The following CTBP2 variants were observed in gnomAD, a reference collection of about 807,000 sequenced individuals.
CTBP2 encodes the protein C-terminal-binding protein 2.
A neutral mutation model predicts 80.3 loss-of-function variants in CTBP2; 30 were observed. That is an observed-to-expected ratio of 0.37 (90% CI 0.28 to 0.51). The LOEUF is 0.51. CTBP2 is among the 20% of genes least tolerant of loss of function. CTBP2 has a pLI of 0.93. For missense variants in CTBP2, 1,212 were observed against 1,375.3 expected (o/e 0.88, Z 1.88); for synonymous variants, 594 against 587.4 (o/e 1.01, Z -0.16).
chr10:125,083,839 G>A (rs71488648), intron 2 of CTBP2, among the ~76,000 whole-genome samples: 22,953 of 152,164 alleles, frequency 0.15, 1,851 homozygotes, highest in Middle Eastern at 0.24. Flanking sequence ...GGAGTGCAGT[G>A]GTGCGATCTG....
Position 125,027,980 on chromosome 10 carries a change from AC to A in CTBP2, c.-222del, listed in dbSNP as rs1564746275. On this transcript the variant is annotated 5_prime_UTR_variant, in exon 1 of 9. Coordinates refer to ENST00000309035, the MANE Select transcript of CTBP2 (RefSeq NM_022802.3). ...CACGGTAACTTTGCCTCACTCCCCAACGATAGCCAGAGAGGTCTGTTCCTTA... is the reference window on the plus strand; with the variant it reads ...CACGGTAACTTTGCCTCACTCCCCAAGATAGCCAGAGAGGTCTGTTCCTTA... 3 of 1,305,384 alleles carry A rather than the reference AC, an allele frequency of 2.3e-6. No homozygotes were observed. Among genetic ancestry groups the A allele is most frequent in the Non-Finnish European group, 3.0e-6 (3 of 1,006,538 alleles). 80.9% of individuals were successfully genotyped at this position (1,305,384 alleles called of 1,614,324 possible). A position where few individuals can be genotyped will look rare whatever the true frequency, so the allele number is the denominator to read the frequency against.
chr10:125,110,291 G>C (rs1260990147), intron 2 of CTBP2, among the ~76,000 whole-genome samples: 1 of 152,184 alleles, frequency 6.6e-6, no homozygotes, highest in Non-Finnish European at 1.5e-5. Context: ...CATCAGAGAA[G>C]TTGCCACTTT....
intron 3 of CTBP2, 51 bp from the exon 6 acceptor site, chr10:124,998,221 G>T: frequency 6.4e-7 from 1 of 1,552,292 alleles, no homozygotes; most frequent in South Asian, 1.2e-5. Flanking sequence ...AAGATCAGTG[G>T]GGAAGCCCCA....
intron 1 of CTBP2, among the ~76,000 whole-genome samples, chr10:125,139,227 C>T (rs545405397): frequency 1.3e-5 from 2 of 151,862 alleles, no homozygotes; most frequent in Non-Finnish European, 2.9e-5. Flanking sequence ...AAAATTTAGC[C>T]GGGTGTGGTG....
At chr10:125,102,686 G>GT (rs202029094) in intron 2 of CTBP2, among the ~76,000 whole-genome samples, 369 of 152,172 alleles carry the variant, frequency 2.4e-3, no homozygotes, top group East Asian at 3.3e-3. Context: ...CAAAGTGAAG[G>GT]TTTTTTTTAA....
At chr10:124,990,913 C>G (rs1952521029) in intron 8 of CTBP2, among the ~76,000 whole-genome samples, 1 of 152,232 alleles carries the variant, frequency 6.6e-6, no homozygotes, top group Non-Finnish European at 1.5e-5. Context: ...TTCCAGCCTC[C>G]AGAACTGCGA....
Position 125,097,477 on chromosome 10 carries a change from A to G in CTBP2, c.-102+13513T>C, listed in dbSNP as rs181091952. On this transcript the variant is annotated intron_variant, in intron 2 of 10. Transcript: ENST00000337195. The stretch of plus-strand genomic sequence containing the variant: ...CTCAGTTCTCTACCGTGGAGAAGTC[A>G]CAAGCCGCACTCCTCAAAGCCAACC... Among the ~76,000 whole-genome samples the G allele has an allele frequency of 1.1e-3, 163 of 152,288 alleles. 1 individual carries two copies. Among genetic ancestry groups the G allele is most frequent in the African/African-American group, 3.5e-3 (147 of 41,568 alleles).
intron 1 of CTBP2, among the ~76,000 whole-genome samples, chr10:125,126,944 C>CTCTA (rs1418961803): frequency 4.4e-4 from 67 of 152,142 alleles, no homozygotes; most frequent in African/African-American, 1.6e-3. Context: ...CTCTCTCTCT[C>CTCTA]TCTCTACTCT....
chr10:124,993,079 A>ATAAATTTGATGC (rs1952924493), intron 7 of CTBP2, 123 bp downstream of exon 9: 2 of 1,256,482 alleles, frequency 1.6e-6, no homozygotes, highest in Non-Finnish European at 2.2e-6. Flanking sequence ...CCCAACTCAT[A>ATAAATTTGATGC]TAAATTTGAT....
intron 1 of CTBP2, among the ~76,000 whole-genome samples, chr10:125,018,157 C>G (rs1269480027): frequency 1.3e-5 from 2 of 152,140 alleles, no homozygotes; most frequent in Non-Finnish European, 1.5e-5. Flanking sequence ...AGGGGGTGAA[C>G]CTCTCTGAGT....
At position 125,026,351 on chromosome 10, in the gene CTBP2, T is replaced by C; in HGVS notation, c.1409A>G (p.Asn470Ser). ...TGTTCTGGGGCCTGGGTGAAGGGGGTTTGAGGGGCCCGGGTTAGTCAAGGC... is the reference window on the plus strand; with the variant it reads ...TGTTCTGGGGCCTGGGTGAAGGGGGCTTGAGGGGCCCGGGTTAGTCAAGGC... The change falls in exon 1 of 9, where the codon AAC becomes AGC. Residue 470 changes from asparagine to serine, a missense_variant. Asn to Ser is a conservative substitution (Grantham distance 46, BLOSUM62 1). This residue lies in a region of CTBP2 where 848 missense variants were observed against 782.3 expected (regional missense o/e 1.08). Coordinates refer to ENST00000309035, the MANE Select transcript of CTBP2 (RefSeq NM_022802.3). 2.5e-6 allele frequency: 4 copies of C among 1,611,352 alleles called. No homozygotes were observed. In the African/African-American group the frequency reaches 5.4e-5, roughly 22 times the overall value.
At chr10:125,126,887 T>G (rs1318131576) in intron 1 of CTBP2, among the ~76,000 whole-genome samples, 1 of 152,118 alleles carries the variant, frequency 6.6e-6, no homozygotes. Flanking sequence ...GCCATCTGTC[T>G]TGCCTGCTGC....
At chr10:125,005,400 G>A in intron 1 of CTBP2, 2 of 744,616 alleles carry the variant, frequency 2.7e-6, no homozygotes, top group East Asian at 5.4e-5. Context: ...CGTGCACCCA[G>A]TCACTCCTGC....
intron 2 of CTBP2, among the ~76,000 whole-genome samples, chr10:125,047,558 T>A (rs1274822886): frequency 6.6e-6 from 1 of 152,260 alleles, no homozygotes; most frequent in Non-Finnish European, 1.5e-5. Flanking sequence ...ACTAAGGGTT[T>A]TGAACTTGAG....
intron 1 of CTBP2, among the ~76,000 whole-genome samples, chr10:125,135,964 G>A (rs550948326): frequency 2.0e-5 from 3 of 152,342 alleles, no homozygotes; most frequent in South Asian, 2.1e-4. Context: ...TCCGGCCCAC[G>A]AGCAGAACAG....
intron 2 of CTBP2, among the ~76,000 whole-genome samples, chr10:125,096,593 A>G (rs1402584596): frequency 6.6e-6 from 1 of 152,212 alleles, no homozygotes; most frequent in Non-Finnish European, 1.5e-5. Context: ...TTACAAAACT[A>G]AAAGGTATGA....
chr10:125,027,196 C>A lies in CTBP2; in HGVS notation c.564G>T (p.Arg188=). The A allele has an allele frequency of 6.2e-7, 1 of 1,609,366 alleles. No individual in the cohort carries two copies. The highest frequency in any genetic ancestry group is 8.5e-7 in the Non-Finnish European group (1 of 1,176,622). Residue 188 remains arginine (R), a synonymous_variant, in exon 1 of 9, where the codon CGG becomes CGT. Transcript: ENST00000309035. ...TGGTGTCGGGCTGCTCCCGTCCATA[C>A]CGCCCGGGAGATGCAGCCCTGCTCT...
In CTBP2 at chr10:125,048,319, T is replaced by C. The variant is rs12251156; in HGVS notation, c.-101-9164A>G. Among the ~76,000 whole-genome samples, 730 of 152,174 alleles carry C rather than the reference T, an allele frequency of 4.8e-3. 8 individuals are homozygous for C. The highest frequency in any genetic ancestry group is 0.017 in the African/African-American group (702 of 41,518). ...AGACAGCCATGAGCCACCATCCTCATTTCTATCCCAACTTAAGCTCTACAA... is the reference window on the plus strand; with the variant it reads ...AGACAGCCATGAGCCACCATCCTCACTTCTATCCCAACTTAAGCTCTACAA... On this transcript the variant is annotated intron_variant, in intron 2 of 10. Transcript: ENST00000337195.
chr10:124,992,868 A>T, intron 7 of CTBP2, 56 bp from the exon 10 acceptor site: 1 of 1,325,184 alleles, frequency 7.5e-7, no homozygotes, highest in Non-Finnish European at 1.1e-6. Context: ...CAGTAAGTTC[A>T]ACATTACACC....
Sources: allele counts gnomAD v4.1 joint callset (sites outside exome capture counted in the v4.1 genomes callset), GRCh38; gene constraint gnomAD v4.1.1; regional missense constraint gnomAD v4.1.1; transcripts MANE v1.5; gene names NCBI Gene and HGNC (gene_info 2026-07-23, HGNC 2026-07-21).